CATSPERT: variants seen among roughly 807,000 people sequenced by gnomAD.
CATSPERT encodes cation channel sperm-associated targeting subunit tau.
chr2:201,493,599 A>G, the CATSPERT span: 3 of 1,537,120 alleles, frequency 2.0e-6, no homozygotes, highest in Non-Finnish European at 2.6e-6. Context: ...CTATTTCATC[A>G]GCATTTTCTT....
At chr2:201,566,728 G>GT in the CATSPERT span, among the ~76,000 whole-genome samples, 1 of 152,224 alleles carries the variant, frequency 6.6e-6, no homozygotes, top group Non-Finnish European at 1.5e-5. Context: ...CCAGTATTGG[G>GT]ATGGCTGGGT....
At chr2:201,500,310 C>T in the CATSPERT span, among the ~76,000 whole-genome samples, 2 of 151,764 alleles carry the variant, frequency 1.3e-5, no homozygotes, top group Admixed American at 6.6e-5. Context: ...GTCAGGAGAT[C>T]GAGACCATCC....
chr2:201,601,505 A>G, the CATSPERT span, among the ~76,000 whole-genome samples: 209 of 152,262 alleles, frequency 1.4e-3, no homozygotes, highest in African/African-American at 4.8e-3. Context: ...ACAGACAGTA[A>G]CATCTCAGGA....
chr2:201,618,873 G>A, the CATSPERT span: 5 of 1,609,316 alleles, frequency 3.1e-6, no homozygotes, highest in South Asian at 1.1e-5. Context: ...GGTCCTCCAG[G>A]TGCCGGCCAG....
At chr2:201,500,077 G>A in the CATSPERT span, among the ~76,000 whole-genome samples, 1 of 151,498 alleles carries the variant, frequency 6.6e-6, no homozygotes, top group South Asian at 2.1e-4. Flanking sequence ...TTTTTTAAGG[G>A]GCAGAAATGT....
the CATSPERT span, chr2:201,552,999 A>C: frequency 2.0e-5 from 3 of 152,034 alleles, no homozygotes; most frequent in African/African-American, 7.3e-5. Context: ...AGGTCTACTA[A>C]CTAATATATT....
At chr2:201,582,127 T>G in the CATSPERT span, 1 of 1,608,920 alleles carries the variant, frequency 6.2e-7, no homozygotes, top group East Asian at 2.2e-5. Flanking sequence ...ATCTGAACAC[T>G]CCCTAACAAG....
the CATSPERT span, among the ~76,000 whole-genome samples, chr2:201,519,943 G>A: frequency 3.0e-4 from 8 of 26,932 alleles, no homozygotes; most frequent in East Asian, 0.056. Flanking sequence ...TCACTTCACT[G>A]TCAAACACTT....
chr2:201,613,098 T>G, the CATSPERT span, among the ~76,000 whole-genome samples: 1 of 152,246 alleles, frequency 6.6e-6, no homozygotes, highest in African/African-American at 2.4e-5. Context: ...GAGGCCTGCC[T>G]GCCTCTGTAG....
At chr2:201,532,448 G>A in the CATSPERT span, among the ~76,000 whole-genome samples, 27 of 152,248 alleles carry the variant, frequency 1.8e-4, no homozygotes, top group East Asian at 4.4e-3. Context: ...TAAGTTTGAC[G>A]TTTCTATAAG....
chr2:201,511,927 A>C, the CATSPERT span: 5 of 151,156 alleles, frequency 3.3e-5, no homozygotes, highest in Non-Finnish European at 1.5e-5. Context: ...AGAATTCTAA[A>C]GATTTTGTGA....
chr2:201,552,384 T>A, the CATSPERT span, among the ~76,000 whole-genome samples: 1 of 152,234 alleles, frequency 6.6e-6, no homozygotes, highest in East Asian at 1.9e-4. Flanking sequence ...CAGAGAAAAA[T>A]TATGACATTA....
At chr2:201,553,645 A>G in the CATSPERT span, 1 of 152,320 alleles carries the variant, frequency 6.6e-6, no homozygotes, top group Non-Finnish European at 1.5e-5. Flanking sequence ...TTAACTGTAC[A>G]ACTGACTTCC....
the CATSPERT span, among the ~76,000 whole-genome samples, chr2:201,489,859 ATTT>A: frequency 7.0e-6 from 1 of 142,844 alleles, no homozygotes; most frequent in Admixed American, 7.0e-5. Flanking sequence ...TACTTTCCTA[ATTT>A]TTTTTTTTTT....
At chr2:201,537,339 G>T in the CATSPERT span, 1 of 999,806 alleles carries the variant, frequency 1.0e-6, no homozygotes, top group Non-Finnish European at 1.5e-6. Flanking sequence ...TAACTTCTTG[G>T]ATGCCTTTCT....
At chr2:201,563,879 C>G in the CATSPERT span, among the ~76,000 whole-genome samples, 1 of 152,150 alleles carries the variant, frequency 6.6e-6, no homozygotes, top group African/African-American at 2.4e-5. Flanking sequence ...AGATTCCAGA[C>G]AGAAAGGAAG....
the CATSPERT span, among the ~76,000 whole-genome samples, chr2:201,556,310 C>A: frequency 1.3e-5 from 2 of 151,704 alleles, no homozygotes; most frequent in East Asian, 3.9e-4. Context: ...GAGATCGAGA[C>A]CATCCTGGCT....
At chr2:201,575,641 A>T in the CATSPERT span, among the ~76,000 whole-genome samples, 1 of 152,132 alleles carries the variant, frequency 6.6e-6, no homozygotes, top group Non-Finnish European at 1.5e-5. Context: ...CATGCTCCTT[A>T]TGAGAATCTA....
the CATSPERT span, among the ~76,000 whole-genome samples, chr2:201,544,145 G>C: frequency 6.6e-6 from 1 of 152,158 alleles, no homozygotes; most frequent in African/African-American, 2.4e-5. Context: ...TGCTCAGAAT[G>C]ATGGTTTTCA....
Sources: allele counts gnomAD v4.1 joint callset (sites outside exome capture counted in the v4.1 genomes callset), GRCh38; gene constraint gnomAD v4.1.1; transcripts MANE v1.5; gene names NCBI Gene and HGNC (gene_info 2026-07-23, HGNC 2026-07-21).